Variants in DAB1 observed in about 807,000 individuals in gnomAD.
DAB1 encodes disabled homolog 1.
Under a neutral mutation model 64.6 loss-of-function variants are expected in DAB1, and 15 were observed. That is an observed-to-expected ratio of 0.23 (90% CI 0.16 to 0.36). The LOEUF is 0.36. Among genes scored for constraint, DAB1 ranks in the 10% least tolerant of loss-of-function variants. The pLI, the probability that DAB1 is intolerant of heterozygous loss-of-function variation, is 1.00. For missense variants in DAB1, 596 were observed against 706.7 expected, an observed-to-expected ratio of 0.84 and a Z score of 1.78; for synonymous variants, 235 against 251.9, an observed-to-expected ratio of 0.93 and a Z score of 0.64.
chr1:57,901,336 A>G (rs1326558560), intron 5 of DAB1, among the ~76,000 whole-genome samples: 3 of 152,174 alleles, frequency 2.0e-5, no homozygotes, highest in African/African-American at 7.2e-5. Flanking sequence ...GAGCTGGGAA[A>G]TCAATGTGTT....
intron 3 of DAB1, among the ~76,000 whole-genome samples, chr1:58,442,823 T>A (rs1196489422): frequency 6.6e-6 from 1 of 152,120 alleles, no homozygotes; most frequent in African/African-American, 2.4e-5. Context: ...AGGTTGAGGC[T>A]GCAGTAAGCT....
intron 6 of DAB1, among the ~76,000 whole-genome samples, chr1:57,690,241 T>C (rs1390320881): frequency 6.6e-6 from 1 of 152,162 alleles, no homozygotes; most frequent in Non-Finnish European, 1.5e-5. Flanking sequence ...AACTCTTCAG[T>C]ATACTGATTT....
chr1:57,400,095 C>T (rs1364835921), intron 1 of DAB1, among the ~76,000 whole-genome samples: 1 of 152,126 alleles, frequency 6.6e-6, no homozygotes, highest in African/African-American at 2.4e-5. Flanking sequence ...AAATGTCTTT[C>T]AAACTTGTAA....
chr1:57,442,335 T>G (rs1292693901), intron 7 of DAB1, among the ~76,000 whole-genome samples: 3 of 152,188 alleles, frequency 2.0e-5, no homozygotes, highest in African/African-American at 7.2e-5. Flanking sequence ...GATATGGATT[T>G]CTCTCTTTGA....
intron 2 of DAB1, among the ~76,000 whole-genome samples, chr1:57,170,209 G>C (rs1280474470): frequency 6.6e-6 from 1 of 152,004 alleles, no homozygotes; most frequent in Non-Finnish European, 1.5e-5. Flanking sequence ...ATGTTTGCCA[G>C]GCTGATCTCG....
chr1:58,290,711 T>C (rs892235342), intron 4 of DAB1, among the ~76,000 whole-genome samples: 3 of 152,158 alleles, frequency 2.0e-5, no homozygotes, highest in African/African-American at 4.8e-5. Context: ...CTTAGGGAGA[T>C]CATTATTCAT....
At chr1:57,896,516 A>C (rs570216692) in intron 5 of DAB1, among the ~76,000 whole-genome samples, 83 of 152,238 alleles carry the variant, frequency 5.5e-4, no homozygotes, top group African/African-American at 1.9e-3. Context: ...ACTGGACCAA[A>C]ATGGCTTGAT....
chr1:58,009,235 A>C (rs757598670), intron 5 of DAB1, among the ~76,000 whole-genome samples: 2 of 152,172 alleles, frequency 1.3e-5, no homozygotes, highest in African/African-American at 2.4e-5. Context: ...AGAAAGTGGA[A>C]GAATCCAGTC....
chr1:57,783,113 T>C (rs1650187121), intron 6 of DAB1, among the ~76,000 whole-genome samples: 1 of 143,790 alleles, frequency 7.0e-6, no homozygotes, highest in Middle Eastern at 3.2e-3. Flanking sequence ...TTTCTTTTTT[T>C]TTTTTTTTTT....
At chr1:58,422,136 G>T (rs1039209185) in intron 3 of DAB1, among the ~76,000 whole-genome samples, 2 of 152,006 alleles carry the variant, frequency 1.3e-5, no homozygotes, top group African/African-American at 4.8e-5. Flanking sequence ...TTTGAAATCT[G>T]GTGATGTTGG....
At chr1:57,480,067 G>A (rs1478132976) in intron 7 of DAB1, among the ~76,000 whole-genome samples, 1 of 151,310 alleles carries the variant, frequency 6.6e-6, no homozygotes, top group Non-Finnish European at 1.5e-5. Flanking sequence ...CAGGAGAATG[G>A]CGTGAACCCG....
At chr1:58,285,836 A>T (rs1465383989) in intron 4 of DAB1, among the ~76,000 whole-genome samples, 4 of 152,218 alleles carry the variant, frequency 2.6e-5, no homozygotes, top group Non-Finnish European at 5.9e-5. Context: ...ATATGGAACC[A>T]AAGAAGAGCC....
intron 5 of DAB1, among the ~76,000 whole-genome samples, chr1:57,968,204 T>C (rs1435413119): frequency 1.3e-5 from 2 of 152,118 alleles, no homozygotes; most frequent in Non-Finnish European, 2.9e-5. Flanking sequence ...GTGTCCTGTT[T>C]GTCACAGAGA....
chr1:57,204,317 T>A (rs1422479978), intron 2 of DAB1, among the ~76,000 whole-genome samples: 1 of 152,034 alleles, frequency 6.6e-6, no homozygotes, highest in Non-Finnish European at 1.5e-5. Context: ...CACAGTTATT[T>A]TGAAATGGGA....
intron 7 of DAB1, among the ~76,000 whole-genome samples, chr1:57,495,984 A>G (rs1644225350): frequency 6.6e-6 from 1 of 152,206 alleles, no homozygotes; most frequent in East Asian, 1.9e-4. Context: ...AAGACCTGAC[A>G]CATAGTAGGT....
At chr1:58,225,654 C>G (rs1447904882) in intron 4 of DAB1, among the ~76,000 whole-genome samples, 3 of 151,954 alleles carry the variant, frequency 2.0e-5, no homozygotes, top group Non-Finnish European at 4.4e-5. Context: ...GAGTTCATAT[C>G]CTTTGTAGGG....
intron 1 of DAB1, among the ~76,000 whole-genome samples, chr1:57,831,400 A>G (rs1330322760): frequency 6.6e-6 from 1 of 152,156 alleles, no homozygotes; most frequent in Non-Finnish European, 1.5e-5. Context: ...ACTATATGTT[A>G]AGATGTTGAG....
intron 5 of DAB1, among the ~76,000 whole-genome samples, chr1:58,124,277 A>T (rs1355064952): frequency 1.3e-5 from 2 of 152,062 alleles, no homozygotes; most frequent in Admixed American, 1.3e-4. Flanking sequence ...AAAGATGGTC[A>T]ATTACAGATT....
intron 3 of DAB1, among the ~76,000 whole-genome samples, chr1:58,359,070 G>A (rs1426786361): frequency 6.6e-6 from 1 of 151,948 alleles, no homozygotes; most frequent in East Asian, 1.9e-4. Flanking sequence ...GTAGAAAGAG[G>A]AGAGGATAGA....
Sources: allele counts gnomAD v4.1 joint callset (sites outside exome capture counted in the v4.1 genomes callset), GRCh38; gene constraint gnomAD v4.1.1; transcripts MANE v1.5; gene names NCBI Gene and HGNC (gene_info 2026-07-23, HGNC 2026-07-21).